PTPRE: variants seen among roughly 807,000 people sequenced by gnomAD.
PTPRE encodes receptor-type tyrosine-protein phosphatase epsilon.
In PTPRE, 51 loss-of-function variants were observed where a neutral mutation model predicts 102.0. The ratio of observed to expected loss-of-function variants is 0.50; its 90% CI spans 0.40 to 0.63. PTPRE has a LOEUF of 0.63. Among genes scored for constraint, PTPRE ranks in the 30% least tolerant of loss-of-function variants. The pLI, the probability that PTPRE is intolerant of heterozygous loss-of-function variation, is 0.00. For missense variants in PTPRE, 752 were observed against 915.1 expected, an observed-to-expected ratio of 0.82 and a Z score of 2.30; for synonymous variants, 345 against 348.2, an observed-to-expected ratio of 0.99 and a Z score of 0.10.
intron 1 of PTPRE, among the ~76,000 whole-genome samples, chr10:127,969,092 A>G (rs1260868844): frequency 6.6e-6 from 1 of 152,218 alleles, no homozygotes; most frequent in Admixed American, 6.5e-5. Flanking sequence ...TTTCCATAGC[A>G]TGTATCAATC....
At chr10:128,031,962 G>C (rs11593670) in intron 2 of PTPRE, among the ~76,000 whole-genome samples, 67,242 of 151,374 alleles carry the variant, frequency 0.44, 15,432 homozygotes, top group East Asian at 0.62. Context: ...CTATCCCTGT[G>C]TCCTGTCCAC....
At chr10:127,950,359 G>C (rs1192711502) in intron 1 of PTPRE, among the ~76,000 whole-genome samples, 2 of 152,200 alleles carry the variant, frequency 1.3e-5, no homozygotes, top group African/African-American at 4.8e-5. Context: ...TCAAAAGATG[G>C]TCCACCATGA....
chr10:127,964,002 G>C (rs561257421), intron 1 of PTPRE, among the ~76,000 whole-genome samples: 1 of 152,238 alleles, frequency 6.6e-6, no homozygotes, highest in East Asian at 1.9e-4. Flanking sequence ...CACAGGATTA[G>C]TGCTGGCCCC....
intron 2 of PTPRE, among the ~76,000 whole-genome samples, chr10:127,984,175 G>A (rs1046685931): frequency 1.3e-5 from 2 of 149,990 alleles, no homozygotes; most frequent in African/African-American, 4.9e-5. Flanking sequence ...TCTGCCTCCC[G>A]GGTTCAAGCG....
intron 1 of PTPRE, among the ~76,000 whole-genome samples, chr10:127,951,192 A>G (rs1848995922): frequency 6.6e-6 from 1 of 152,220 alleles, no homozygotes; most frequent in Non-Finnish European, 1.5e-5. Context: ...GTCCAACTCA[A>G]ATCATAAAAA....
intron 1 of PTPRE, among the ~76,000 whole-genome samples, chr10:127,981,022 C>T (rs1851568026): frequency 6.6e-6 from 1 of 152,176 alleles, no homozygotes; most frequent in Non-Finnish European, 1.5e-5. Flanking sequence ...TGTGAGGCTG[C>T]CATGCTGACC....
chr10:128,029,924 G>A (rs1846589534), intron 2 of PTPRE, among the ~76,000 whole-genome samples: 1 of 152,232 alleles, frequency 6.6e-6, no homozygotes, highest in Admixed American at 6.5e-5. Context: ...TTTGTAGAGA[G>A]ATTGCTCTTC....
At chr10:128,068,553 C>T (rs994109325) in intron 12 of PTPRE, 9 of 300,450 alleles carry the variant, frequency 3.0e-5, no homozygotes, top group Non-Finnish European at 4.9e-5. Flanking sequence ...GGCAGGTCTG[C>T]TTGGCCGCCC....
At chr10:127,933,891 A>C (rs1847624312) in intron 1 of PTPRE, among the ~76,000 whole-genome samples, 1 of 152,120 alleles carries the variant, frequency 6.6e-6, no homozygotes, top group Non-Finnish European at 1.5e-5. Flanking sequence ...CGATTTCCCT[A>C]ATGGGCATGA....
chr10:127,963,582 C>T (rs1849997314), intron 1 of PTPRE, among the ~76,000 whole-genome samples: 2 of 152,084 alleles, frequency 1.3e-5, no homozygotes, highest in South Asian at 2.1e-4. Flanking sequence ...GTTGAGACAT[C>T]GAAAGTGGGC....
At chr10:128,033,664 A>G (rs11016026) in intron 2 of PTPRE, among the ~76,000 whole-genome samples, 86,306 of 151,846 alleles carry the variant, frequency 0.57, 24,613 homozygotes, top group East Asian at 0.62. Flanking sequence ...TATTTATTCA[A>G]GATGGAGTGT....
intron 20 of PTPRE, among the ~76,000 whole-genome samples, chr10:128,081,894 A>G (rs1851739612): frequency 6.6e-6 from 1 of 152,194 alleles, no homozygotes; most frequent in South Asian, 2.1e-4. Context: ...TTTCCACCCA[A>G]AAGCATTTAG....
intron 1 of PTPRE, among the ~76,000 whole-genome samples, chr10:127,930,855 C>T (rs1012790787): frequency 6.6e-6 from 1 of 150,636 alleles, no homozygotes; most frequent in Non-Finnish European, 1.5e-5. Context: ...TGCAGTGGCG[C>T]GATATCGGCT....
intron 1 of PTPRE, among the ~76,000 whole-genome samples, chr10:127,931,849 G>C (rs1847467693): frequency 6.6e-6 from 1 of 151,970 alleles, no homozygotes; most frequent in African/African-American, 2.4e-5. Context: ...ATATTTTTCT[G>C]CCTTAATCTC....
chr10:128,066,208 G>C lies in PTPRE; in HGVS notation c.843+14G>C. ...TGCATACAGCCAGTAAGCATCTCTA[G>C]TTGCTGCCCTTCCAGAAAGATCATT... On this transcript the variant is annotated intron_variant, in intron 11 of 20. Coordinates refer to ENST00000254667, the MANE Select transcript of PTPRE (RefSeq NM_006504.6). The C allele has an allele frequency of 1.2e-6, 2 of 1,611,532 alleles. No individual in the cohort carries two copies. The highest frequency in any genetic ancestry group is 1.7e-6 in the Non-Finnish European group (2 of 1,177,958).
In PTPRE at chr10:128,073,416, G is replaced by C. The variant is rs1850953415; in HGVS notation, c.1544G>C (p.Trp515Ser). The C allele has an allele frequency of 6.2e-7, 1 of 1,614,072 alleles. No homozygotes were observed. The highest frequency in any genetic ancestry group is 1.3e-5 in the African/African-American group (1 of 74,928). Residue 515 changes from tryptophan to serine, a missense_variant, in exon 17 of 21, where the codon TGG becomes TCG. By Grantham distance (177) the Trp-to-Ser change is radical (BLOSUM62 -3). Coordinates refer to ENST00000254667, the MANE Select transcript of PTPRE (RefSeq NM_006504.6). ...HTVEDFWRMI[W>S]EWKSHTIVML... ...GTTGAGGACTTCTGGAGGATGATCT[G>C]GGAATGGAAATCCCACACTATCGTG...
At position 128,008,683 on chromosome 10, in the gene PTPRE, G is replaced by A. The variant is rs143312521; in HGVS notation, c.-8+26387G>A. 6.6e-6 allele frequency among the ~76,000 whole-genome samples: 1 copy of A among 152,068 alleles called. No homozygotes were observed. Among genetic ancestry groups the A allele is most frequent in the African/African-American group, 2.4e-5 (1 of 41,390 alleles). On this transcript the variant is annotated intron_variant, in intron 2 of 20. Coordinates refer to ENST00000254667, the MANE Select transcript of PTPRE (RefSeq NM_006504.6). The surrounding 1 kb of genome is among the most constrained non-coding windows in gnomAD (Gnocchi z 4.0). ...TCCCAGAATCTACTGTGGTAATTCC[G>A]GCCAGGACTCAAGGATGTAAGAAGT...
chr10:127,972,851 A>G (rs1850860100), intron 1 of PTPRE, among the ~76,000 whole-genome samples: 1 of 152,192 alleles, frequency 6.6e-6, no homozygotes, highest in Non-Finnish European at 1.5e-5. Context: ...GCAGACACAC[A>G]TCAGCCCCCT....
chr10:128,054,049 C>G (rs1337347516), intron 6 of PTPRE, among the ~76,000 whole-genome samples: 2 of 152,162 alleles, frequency 1.3e-5, no homozygotes, highest in Non-Finnish European at 2.9e-5. Flanking sequence ...TGTGAGTCAC[C>G]ACACCTGGCC....
Sources: gnomAD v4.1 joint callset for allele counts (sites outside exome capture counted in the v4.1 genomes callset) on GRCh38, gnomAD v4.1.1 for gene constraint, Gnocchi (gnomAD v3.1) non-coding constraint, MANE v1.5 for transcripts, NCBI Gene and HGNC (gene_info 2026-07-23, HGNC 2026-07-21) for gene names.